Variants in TEX11 observed in about 807,000 individuals in gnomAD.
The protein encoded by TEX11 is testis expressed 11.
In TEX11, 7 loss-of-function variants were observed where a neutral mutation model predicts 84.4. That is an observed-to-expected ratio of 0.08 (90% CI 0.05 to 0.16). The LOEUF is 0.16. TEX11 is among the 10% of genes least tolerant of loss of function. The probability of loss-of-function intolerance (pLI) is 1.00; values close to 1 mark genes in which losing one functional copy is unlikely to be tolerated. For missense variants in TEX11, 551 were observed against 660.5 expected (o/e 0.83, Z 1.82); for synonymous variants, 264 against 222.8 (o/e 1.18, Z -1.64).
At chrX:70,740,585 G>T in intron 11 of TEX11, 116 bp downstream of exon 11, 1 of 448,468 alleles carries the variant, frequency 2.2e-6, no homozygotes, top group Non-Finnish European at 3.7e-6. Context: ...CTATAGAAGA[G>T]ATTATAACAA....
At chrX:70,653,576 C>G (rs1043366721) in intron 16 of TEX11, among the ~76,000 whole-genome samples, 2 of 111,862 alleles carry the variant, frequency 1.8e-5, no homozygotes, top group Non-Finnish European at 3.8e-5. Flanking sequence ...AACAGGAACT[C>G]TCATTCATCA....
At chrX:70,637,101 C>T (rs2089585024) in intron 17 of TEX11, among the ~76,000 whole-genome samples, 1 of 111,858 alleles carries the variant, frequency 8.9e-6, no homozygotes, top group Non-Finnish European at 1.9e-5. Context: ...CATGAACAGA[C>T]ACTTCTCAAA....
intron 9 of TEX11, among the ~76,000 whole-genome samples, chrX:70,792,343 T>C (rs1569442897): frequency 1.9e-4 from 2 of 10,699 alleles, no homozygotes; most frequent in African/African-American, 1.0e-3. Context: ...TATATATATA[T>C]ATATATATAT....
intron 7 of TEX11, among the ~76,000 whole-genome samples, chrX:70,839,459 G>T (rs1319175148): frequency 5.4e-5 from 6 of 111,798 alleles, no homozygotes; most frequent in Non-Finnish European, 9.4e-5. Context: ...CTAACAAACA[G>T]AAAGGACATC....
chrX:70,583,496 T>G (rs1275258567), intron 25 of TEX11, among the ~76,000 whole-genome samples: 1 of 112,460 alleles, frequency 8.9e-6, no homozygotes, highest in Non-Finnish European at 1.9e-5. Flanking sequence ...CCACATTTTC[T>G]TTGTCCAATC....
chrX:70,596,601 C>A (rs2089010160), intron 24 of TEX11, among the ~76,000 whole-genome samples: 1 of 109,577 alleles, frequency 9.1e-6, no homozygotes. Flanking sequence ...GAAAAAAATA[C>A]AACATACCAA....
At chrX:70,811,174 C>T (rs193082601) in intron 8 of TEX11, among the ~76,000 whole-genome samples, 1 of 109,666 alleles carries the variant, frequency 9.1e-6, no homozygotes, top group African/African-American at 3.3e-5. Flanking sequence ...ATCCCTCCCC[C>T]CTGCCCCCAC....
At chrX:70,523,042 C>T in the TEX11 span, among the ~76,000 whole-genome samples, 2 of 110,639 alleles carry the variant, frequency 1.8e-5, no homozygotes, top group Non-Finnish European at 3.8e-5. Flanking sequence ...AGGAAGCCTT[C>T]AAGTCCATTT....
At chrX:70,628,268 C>T (rs1420698419) in intron 18 of TEX11, among the ~76,000 whole-genome samples, 1 of 109,681 alleles carries the variant, frequency 9.1e-6, no homozygotes, top group Non-Finnish European at 1.9e-5. Context: ...GGCAAAACAT[C>T]TGGAATGGTG....
intron 17 of TEX11, among the ~76,000 whole-genome samples, chrX:70,631,826 T>C (rs2089513591): frequency 1.4e-5 from 1 of 69,090 alleles, no homozygotes; most frequent in South Asian, 8.6e-4. Context: ...GTGGAAATAC[T>C]GTATGCAACA....
intron 13 of TEX11, among the ~76,000 whole-genome samples, chrX:70,713,598 T>C (rs1273743019): frequency 2.7e-5 from 3 of 112,188 alleles, no homozygotes; most frequent in African/African-American, 9.7e-5. Context: ...TGTAGTATTC[T>C]CTGATGGTAG....
intron 16 of TEX11, among the ~76,000 whole-genome samples, chrX:70,652,503 G>A (rs770818705): frequency 8.9e-6 from 1 of 111,806 alleles, no homozygotes; most frequent in Non-Finnish European, 1.9e-5. Context: ...TACAATGTAT[G>A]TTCAAAATAT....
intron 13 of TEX11, among the ~76,000 whole-genome samples, chrX:70,691,497 G>A (rs1476473904): frequency 8.9e-6 from 1 of 111,793 alleles, no homozygotes; most frequent in Non-Finnish European, 1.9e-5. Flanking sequence ...AATGAAAGAA[G>A]CCTGTGATGT....
chrX:70,815,912 A>T (rs960553656), intron 8 of TEX11, among the ~76,000 whole-genome samples: 4 of 111,981 alleles, frequency 3.6e-5, no homozygotes, highest in African/African-American at 1.3e-4. Context: ...TCTTTTTAAA[A>T]TTTTATTTAA....
At chrX:70,766,551 C>A (rs1334877422) in intron 9 of TEX11, among the ~76,000 whole-genome samples, 1 of 110,989 alleles carries the variant, frequency 9.0e-6, no homozygotes, top group Non-Finnish European at 1.9e-5. Context: ...TCCATACTAC[C>A]CAAAGCAATC....
At chrX:70,570,501 C>T (rs1337574130) in intron 25 of TEX11, among the ~76,000 whole-genome samples, 3 of 112,367 alleles carry the variant, frequency 2.7e-5, no homozygotes, top group Non-Finnish European at 3.8e-5. Flanking sequence ...TTCTGCGTCG[C>T]TCACGCTGGG....
chrX:70,880,174 T>C (rs914662634), intron 2 of TEX11, 65 bp from the exon 3 acceptor site: 1 of 901,278 alleles, frequency 1.1e-6, no homozygotes, highest in Non-Finnish European at 1.5e-6. Context: ...TAGCAAATCA[T>C]TTTTAAATCT....
At chrX:70,808,480 G>A (rs2147809804) in intron 8 of TEX11, among the ~76,000 whole-genome samples, 1 of 108,717 alleles carries the variant, frequency 9.2e-6, no homozygotes, top group African/African-American at 3.3e-5. Flanking sequence ...TCCAGCCTGG[G>A]CAACAGAGAG....
In TEX11 at chrX:70,707,240, C is replaced by T. The variant is rs185027347; in HGVS notation, c.1004+15378G>A. Among the ~76,000 whole-genome samples the T allele has an allele frequency of 7.2e-5, 8 of 110,892 alleles. No homozygotes were observed. The East Asian group carries it at 2.3e-3, about 31-fold the overall frequency. ...TGATGGTCTAGGCTTCTTCTGAATTCCTATACCAATTTGTCACTTATCCCC... is the reference window on the plus strand; with the variant it reads ...TGATGGTCTAGGCTTCTTCTGAATTTCTATACCAATTTGTCACTTATCCCC... On this transcript the variant is annotated intron_variant, in intron 13 of 29. Transcript: ENST00000374333.
Sources: allele counts gnomAD v4.1 joint callset (sites outside exome capture counted in the v4.1 genomes callset), GRCh38; gene constraint gnomAD v4.1.1; transcripts MANE v1.5; gene names NCBI Gene and HGNC (gene_info 2026-07-23, HGNC 2026-07-21).